PCDHA2: variants seen among roughly 807,000 people sequenced by gnomAD.
PCDHA2 encodes protocadherin alpha-2.
PCDHA2 carries 58 observed loss-of-function variants against 66.0 expected under a neutral mutation model. That is an observed-to-expected ratio of 0.88 (90% confidence interval 0.71 to 1.09). The LOEUF is 1.09. Ranked by LOEUF, PCDHA2 falls within the 50% of genes least tolerant of loss-of-function variation. PCDHA2 has a pLI of 0.00. For synonymous variants in PCDHA2, 634 were observed against 554.0 expected (o/e 1.14, Z -2.03); for missense variants, 1,267 against 1,242.3 (o/e 1.02, Z -0.30).
chr5:140,805,108 C>G, intron 1 of PCDHA2: 1 of 1,590,148 alleles, frequency 6.3e-7, no homozygotes, highest in Non-Finnish European at 8.5e-7. Flanking sequence ...AAACTATTGT[C>G]TAACAAGACT....
rs199847007 is a variant in PCDHA2, at chr5:140,883,896, C to A, written c.2388+86544C>A. ...GTGAGCGCGCGCGACTCTGGCGTGC[C>A]GCCTCTGGGCAGCAACGTGACGCTG... On this transcript the variant is annotated intron_variant, in intron 1 of 3. Transcript: ENST00000526136. The A allele has an allele frequency of 3.1e-6, 5 of 1,613,386 alleles. 1 individual carries two copies. In the South Asian group the frequency reaches 4.4e-5, roughly 14 times the overall value.
chr5:140,841,658 C>T lies in PCDHA2; in HGVS notation c.2388+44306C>T, dbSNP rs146047089. On this transcript the variant is annotated intron_variant, in intron 1 of 3. Transcript: ENST00000526136. Reference sequence around the variant, plus strand: ...CCACCTGGAGGTGATCGTGGACAGGCCGCTGCAGGTTTTCCATGTGGACGT... The same window carrying T: ...CCACCTGGAGGTGATCGTGGACAGGTCGCTGCAGGTTTTCCATGTGGACGT... 7.3e-3 allele frequency: 11,721 copies of T among 1,614,100 alleles called. 53 individuals are homozygous for T. Among genetic ancestry groups the T allele is most frequent in the South Asian group, 8.3e-3 (753 of 91,074 alleles).
rs782485600 is a variant in PCDHA2 at position 140,795,265 on chromosome 5, G to A, written c.301G>A (p.Glu101Lys). Residue 101 changes from glutamate to lysine, a missense_variant, in exon 1 of 4, where the codon GAA (glutamate) becomes AAA (lysine). Coordinates refer to ENST00000526136, the MANE Select transcript of PCDHA2 (RefSeq NM_018905.3). ...GGAGGAGCTGTGCGGGCGGAGCGCG[G>A]AATGTAGCATCCACGTGGAGGTGAT... ...DREELCGRSA[E>K]CSIHVEVIVD... 6.2e-7 allele frequency: 1 copy of A among 1,614,266 alleles called. No homozygotes were observed. The highest frequency in any genetic ancestry group is 2.2e-5 in the East Asian group (1 of 44,890).
chr5:140,943,632 G>A (rs1351799858), intron 1 of PCDHA2, among the ~76,000 whole-genome samples: 1 of 152,098 alleles, frequency 6.6e-6, no homozygotes, highest in Non-Finnish European at 1.5e-5. Flanking sequence ...AAGGAAGCTG[G>A]ATTATGGATA....
Position 140,836,160 on chromosome 5 carries a change from A to G in PCDHA2, c.2388+38808A>G, listed in dbSNP as rs1774254627. On this transcript the variant is annotated intron_variant, in intron 1 of 3. Transcript: ENST00000526136. ...TGTGGGCGCGGGCCATGTGGTGGCG[A>G]AGGTACGTGCAGTTGACGCTGACTC... 6.2e-7 allele frequency: 1 copy of G among 1,613,780 alleles called. No homozygotes were observed. The highest frequency in any genetic ancestry group is 1.7e-5 in the Admixed American group (1 of 60,020).
chr5:140,863,128 C>A, intron 1 of PCDHA2: 1 of 598,142 alleles, frequency 1.7e-6, no homozygotes, highest in South Asian at 1.4e-5. Flanking sequence ...TACGCGCCAC[C>A]GCCTGCTGGT....
intron 1 of PCDHA2, among the ~76,000 whole-genome samples, chr5:140,890,741 A>G (rs1346321522): frequency 2.0e-5 from 3 of 152,132 alleles, no homozygotes; most frequent in African/African-American, 7.2e-5. Flanking sequence ...CTTATATACT[A>G]TTTCTGTCAT....
intron 1 of PCDHA2, among the ~76,000 whole-genome samples, chr5:140,845,576 A>G (rs1779934940): frequency 6.7e-6 from 1 of 149,490 alleles, no homozygotes; most frequent in Non-Finnish European, 1.5e-5. Flanking sequence ...AATTTCTGGG[A>G]TTGAAATGTG....
In PCDHA2 at chr5:140,797,258, C is replaced by G. The variant is rs146594045; in HGVS notation, c.2294C>G (p.Pro765Arg). The G allele has an allele frequency of 2.0e-5, 33 of 1,614,210 alleles. No homozygotes were observed. The highest frequency in any genetic ancestry group is 2.5e-5 in the Non-Finnish European group (30 of 1,180,038). The change falls in exon 1 of 4, where the codon CCC (proline) becomes CGC (arginine). Residue 765 changes from proline to arginine, a missense_variant. By Grantham distance (103) the Pro-to-Arg change is moderately radical. Coordinates refer to ENST00000526136, the MANE Select transcript of PCDHA2 (RefSeq NM_018905.3). ...RQRVCSGEDP[P>R]KTDLMAFSPS... ...AGGGTGTGCTCTGGGGAGGACCCCC[C>G]CAAGACGGACCTCATGGCCTTCAGC...
chr5:140,806,470 T>C (rs1763735748), intron 1 of PCDHA2, among the ~76,000 whole-genome samples: 1 of 152,222 alleles, frequency 6.6e-6, no homozygotes, highest in Non-Finnish European at 1.5e-5. Flanking sequence ...TCCTGCTTCC[T>C]TGCACTTTCA....
intron 1 of PCDHA2, chr5:140,968,545 G>C: frequency 6.2e-7 from 1 of 1,614,182 alleles, no homozygotes; most frequent in Non-Finnish European, 8.5e-7. Flanking sequence ...CCTTCGAGAT[G>C]GTGCCTCGAA....
At chr5:140,850,162 T>C in intron 1 of PCDHA2, 2 of 1,595,026 alleles carry the variant, frequency 1.3e-6, no homozygotes, top group Non-Finnish European at 1.7e-6. Context: ...GTGTTCGTGC[T>C]GGACGAGAAC....
intron 1 of PCDHA2, chr5:140,851,226 A>G (rs2041995732): frequency 3.5e-6 from 4 of 1,139,724 alleles, no homozygotes; most frequent in Non-Finnish European, 4.5e-6. Context: ...CATCACTATC[A>G]TTTATTTATT....
rs782026526 is a variant in PCDHA2, at chr5:140,857,844, ACT to A, written c.2388+60495_2388+60496del. The stretch of plus-strand genomic sequence containing the variant: ...GCTAAGGTGCGCGCAGTGGACGCTG[ACT>A]CTGGATACAACGCGTGGCTGTCGTA... On this transcript the variant is annotated intron_variant, in intron 1 of 3. Transcript: ENST00000526136. 1.0e-5 allele frequency: 16 copies of A among 1,596,614 alleles called. No homozygotes were observed. In the Admixed American group the frequency reaches 1.2e-4, roughly 12 times the overall value.
chr5:140,877,657 G>T (rs1554169952), intron 1 of PCDHA2: 2 of 1,613,570 alleles, frequency 1.2e-6, no homozygotes, highest in East Asian at 2.2e-5. Context: ...GCCGCCCACC[G>T]TGAGCCGGTG....
chr5:140,803,936 A>G (rs143721550), intron 1 of PCDHA2: 4 of 404,820 alleles, frequency 9.9e-6, no homozygotes, highest in Admixed American at 8.6e-5. Context: ...ACTTATCCCT[A>G]TACAATGCTT....
At chr5:140,962,405 C>A (rs2095680586) in intron 1 of PCDHA2, among the ~76,000 whole-genome samples, 1 of 152,200 alleles carries the variant, frequency 6.6e-6, no homozygotes, top group South Asian at 2.1e-4. Context: ...TGCCCCAAAC[C>A]TGTCTCTCCC....
intron 1 of PCDHA2, chr5:140,836,547 CG>C (rs2150263715): frequency 3.1e-6 from 5 of 1,613,738 alleles, no homozygotes; most frequent in Non-Finnish European, 3.4e-6. Context: ...CACGGCGTTG[CG>C]GTGCTCAGCG....
intron 1 of PCDHA2, chr5:140,835,618 C>G: frequency 6.2e-7 from 1 of 1,613,946 alleles, no homozygotes; most frequent in Non-Finnish European, 8.5e-7. Flanking sequence ...CTGGACAGCG[C>G]TCTGGACCGC....
Sources: allele counts gnomAD v4.1 joint callset (sites outside exome capture counted in the v4.1 genomes callset), GRCh38; gene constraint gnomAD v4.1.1; transcripts MANE v1.5; gene names NCBI Gene and HGNC (gene_info 2026-07-23, HGNC 2026-07-21).